Variants in PIK3CB observed in about 807,000 individuals in gnomAD.
The protein encoded by PIK3CB is phosphatidylinositol-4,5-bisphosphate 3-kinase catalytic subunit beta, also known as phosphatidylinositol 4,5-bisphosphate 3-kinase catalytic subunit beta isoform.
A neutral mutation model predicts 136.8 loss-of-function variants in PIK3CB; 39 were observed. The ratio of observed to expected loss-of-function variants is 0.29; its 90% CI spans 0.22 to 0.37. PIK3CB has a LOEUF of 0.37. Ranked by LOEUF, PIK3CB falls within the 10% of genes least tolerant of loss-of-function variation. The pLI is 1.00. For missense variants in PIK3CB, 868 were observed against 1,275.4 expected (o/e 0.68, Z 4.87); for synonymous variants, 428 against 436.6 (o/e 0.98, Z 0.25).
At chr3:138,709,145 A>G (rs936068752) in intron 10 of PIK3CB, among the ~76,000 whole-genome samples, 1 of 152,216 alleles carries the variant, frequency 6.6e-6, no homozygotes, top group African/African-American at 2.4e-5. Context: ...GCTATTGAGG[A>G]ACAATTTGTA....
chr3:138,759,436 T>C, intron 2 of PIK3CB, 77 bp from the exon 3 acceptor site: 2 of 908,698 alleles, frequency 2.2e-6, no homozygotes, highest in Admixed American at 2.4e-5. Context: ...AGACCACTAA[T>C]CTACAATTAG....
intron 21 of PIK3CB, among the ~76,000 whole-genome samples, chr3:138,659,640 T>C (rs2108398714): frequency 6.6e-6 from 1 of 152,328 alleles, no homozygotes; most frequent in East Asian, 1.9e-4. Context: ...CCAAGTCATT[T>C]TGACTTCTAA....
intron 21 of PIK3CB, 36 bp from the exon 22 acceptor site, chr3:138,657,871 T>C: frequency 1.9e-6 from 3 of 1,593,746 alleles, no homozygotes; most frequent in Non-Finnish European, 2.6e-6. Context: ...CCTTCATTTT[T>C]CTGGTGGGTT....
intron 2 of PIK3CB, among the ~76,000 whole-genome samples, chr3:138,773,157 T>C (rs945468647): frequency 6.6e-6 from 1 of 151,876 alleles, no homozygotes; most frequent in African/African-American, 2.4e-5. Flanking sequence ...TCCCAGCACT[T>C]TGGGAGGCTG....
At chr3:138,695,683 G>A (rs1056900161) in intron 13 of PIK3CB, among the ~76,000 whole-genome samples, 48 of 151,784 alleles carry the variant, frequency 3.2e-4, no homozygotes, top group African/African-American at 9.7e-4. Flanking sequence ...ATATTTTTGC[G>A]AAAACAATAC....
chr3:138,708,263 CTTTTTTTTTTT>C lies in PIK3CB; in HGVS notation c.1400-985_1400-975del, dbSNP rs61178842. On this transcript the variant is annotated intron_variant, in intron 10 of 23. Transcript: ENST00000674063. ...CTCACGGACTCAATTTTTTCTTTTT[CTTTTTTTTTTT>C]TTTTTTTTGAGACAGGGTTTCTGTC... 5.1e-3 allele frequency among the ~76,000 whole-genome samples: 559 copies of C among 108,894 alleles called. 4 individuals carry two copies. Among genetic ancestry groups the C allele is most frequent in the African/African-American group, 0.018 (536 of 30,010 alleles). The allele number at this position is 108,894 out of a possible 152,430, so 71.4% of individuals were successfully genotyped here.
At chr3:138,755,477 A>G (rs912809399) in intron 4 of PIK3CB, among the ~76,000 whole-genome samples, 1 of 152,198 alleles carries the variant, frequency 6.6e-6, no homozygotes, top group African/African-American at 2.4e-5. Context: ...CCCTGTCTCT[A>G]TTTTTAAAAA....
intron 2 of PIK3CB, chr3:138,777,967 T>G (rs388649): frequency 5.4e-6 from 2 of 372,356 alleles, no homozygotes; most frequent in South Asian, 2.2e-5. Flanking sequence ...ATATGTTCCA[T>G]GATGATTCTA....
chr3:138,686,828 A>G (rs1312034314), intron 16 of PIK3CB, among the ~76,000 whole-genome samples: 3 of 152,182 alleles, frequency 2.0e-5, no homozygotes, highest in African/African-American at 7.2e-5. Context: ...GCTCACAGGA[A>G]ACTAGGAAGG....
At chr3:138,773,720 A>T (rs1227402414) in intron 2 of PIK3CB, among the ~76,000 whole-genome samples, 1 of 152,132 alleles carries the variant, frequency 6.6e-6, no homozygotes, top group Non-Finnish European at 1.5e-5. Flanking sequence ...CTCTTTTCTA[A>T]TCTAAATGTT....
intron 4 of PIK3CB, among the ~76,000 whole-genome samples, chr3:138,747,086 A>T (rs2045374170): frequency 1.2e-5 from 1 of 81,214 alleles, no homozygotes; most frequent in African/African-American, 5.2e-5. Context: ...ATATATATAT[A>T]TATATATATA....
intron 10 of PIK3CB, among the ~76,000 whole-genome samples, chr3:138,711,567 G>A (rs1322077977): frequency 1.0e-4 from 11 of 105,748 alleles, no homozygotes; most frequent in East Asian, 2.6e-4. Context: ...CAACAAGAGC[G>A]AAACTCCGTC....
At chr3:138,707,035 C>A in intron 11 of PIK3CB, 124 bp downstream of exon 11, 1 of 727,232 alleles carries the variant, frequency 1.4e-6, no homozygotes, top group Non-Finnish European at 2.4e-6. Flanking sequence ...CATGGTCTTC[C>A]CACTCAACAA....
At chr3:138,736,000 C>T (rs1032899047) in intron 6 of PIK3CB, among the ~76,000 whole-genome samples, 1 of 152,052 alleles carries the variant, frequency 6.6e-6, no homozygotes, top group African/African-American at 2.4e-5. Flanking sequence ...TCCTGTCTAA[C>T]CCTGCACAAA....
At chr3:138,702,241 CT>C (rs549125865) in intron 12 of PIK3CB, among the ~76,000 whole-genome samples, 389 of 141,858 alleles carry the variant, frequency 2.7e-3, no homozygotes, top group Admixed American at 3.1e-3. Context: ...CCAGTTAATA[CT>C]TTTTTTTTTT....
chr3:138,711,579 C>CAAAAAAAAAAAAAAAAAA (rs139989947), intron 10 of PIK3CB, among the ~76,000 whole-genome samples: 1 of 67,546 alleles, frequency 1.5e-5, no homozygotes, highest in African/African-American at 6.2e-5. Context: ...AACTCCGTCG[C>CAAAAAAAAAAAAAAAAAA]AAAAAAAAAA....
intron 1 of PIK3CB, among the ~76,000 whole-genome samples, chr3:138,822,023 C>A (rs1933581277): frequency 6.6e-6 from 1 of 151,844 alleles, no homozygotes; most frequent in Non-Finnish European, 1.5e-5. Context: ...TGGTAGCACA[C>A]ACTTATAATC....
rs1466502314 is a variant in PIK3CB, at chr3:138,691,092, A to G, written c.1944T>C (p.Tyr648=). 2.5e-6 allele frequency: 4 copies of G among 1,613,056 alleles called. No homozygotes were observed. The highest frequency in any genetic ancestry group is 1.3e-5 in the African/African-American group (1 of 75,040). ...AGAGGGCACAATCAAGAAAAGGCTC[A>G]TATTTTAACACTTGCACCAGTTGTA... ...YLLQLVQVLK[Y]EPFLDCALSR... The change falls in exon 15 of 24, where the codon TAT becomes TAC. Residue 648 remains tyrosine, a synonymous_variant. Coordinates refer to ENST00000674063, the MANE Select transcript of PIK3CB (RefSeq NM_006219.3).
At chr3:138,688,045 C>T (rs2043929730) in intron 16 of PIK3CB, among the ~76,000 whole-genome samples, 2 of 152,134 alleles carry the variant, frequency 1.3e-5, no homozygotes, top group South Asian at 2.1e-4. Context: ...TTATTACAAT[C>T]ATTAATGGGC....
Sources: allele counts gnomAD v4.1 joint callset (sites outside exome capture counted in the v4.1 genomes callset), GRCh38; gene constraint gnomAD v4.1.1; transcripts MANE v1.5; gene names NCBI Gene and HGNC (gene_info 2026-07-23, HGNC 2026-07-21).